SPOCK3: variants seen among roughly 807,000 people sequenced by gnomAD.
SPOCK3 encodes SPARC (osteonectin), cwcv and kazal like domains proteoglycan 3, also known as testican-3.
Under a neutral mutation model 56.6 loss-of-function variants are expected in SPOCK3, and 30 were observed. The observed-to-expected ratio is 0.53, with a 90% CI of 0.40 to 0.72. The LOEUF is 0.72. Among genes scored for constraint, SPOCK3 ranks in the 30% least tolerant of loss-of-function variants. The pLI is 0.00. For missense variants in SPOCK3, 527 were observed against 530.0 expected (o/e 0.99, Z 0.06); for synonymous variants, 196 against 183.3 (o/e 1.07, Z -0.56).
intron 2 of SPOCK3, among the ~76,000 whole-genome samples, chr4:167,115,317 G>GAA (rs34552247): frequency 8.5e-4 from 104 of 123,020 alleles, no homozygotes; most frequent in South Asian, 1.7e-3. Flanking sequence ...GCCTTGTACA[G>GAA]AAAAAAAAAA....
At chr4:167,003,552 C>A (rs1258218735) in intron 3 of SPOCK3, among the ~76,000 whole-genome samples, 1 of 152,160 alleles carries the variant, frequency 6.6e-6, no homozygotes, top group Non-Finnish European at 1.5e-5. Flanking sequence ...CTTAAAGGGA[C>A]CTGGCATAAA....
intron 2 of SPOCK3, 76 bp downstream of exon 2, chr4:167,233,909 C>G: frequency 7.6e-7 from 1 of 1,316,816 alleles, no homozygotes; most frequent in Non-Finnish European, 1.1e-6. Flanking sequence ...CACTCCCCAC[C>G]CACATCCGGC....
intron 7 of SPOCK3, among the ~76,000 whole-genome samples, chr4:166,784,807 T>A (rs2126630234): frequency 6.6e-6 from 1 of 152,192 alleles, no homozygotes; most frequent in East Asian, 1.9e-4. Flanking sequence ...AGGAGAACAT[T>A]TGGCTTGTAG....
chr4:166,826,583 G>A (rs530333093), intron 6 of SPOCK3, among the ~76,000 whole-genome samples: 1 of 152,148 alleles, frequency 6.6e-6, no homozygotes, highest in South Asian at 2.1e-4. Flanking sequence ...TGGATATTAA[G>A]GATAATTTCC....
chr4:166,921,283 T>C (rs532973640), intron 4 of SPOCK3, among the ~76,000 whole-genome samples: 14 of 152,286 alleles, frequency 9.2e-5, no homozygotes, highest in African/African-American at 3.4e-4. Flanking sequence ...ATTGTATTGG[T>C]TTCCTGTCCT....
At chr4:167,031,118 T>C (rs1177043524) in intron 3 of SPOCK3, among the ~76,000 whole-genome samples, 1 of 152,058 alleles carries the variant, frequency 6.6e-6, no homozygotes, top group Non-Finnish European at 1.5e-5. Flanking sequence ...AATTCATATA[T>C]TTTTATATTC....
intron 8 of SPOCK3, among the ~76,000 whole-genome samples, chr4:166,752,866 T>C (rs1300684694): frequency 2.0e-5 from 3 of 151,976 alleles, no homozygotes. Flanking sequence ...CTTCTAAGCA[T>C]TAGAGAAATT....
At chr4:166,858,832 T>G (rs1730946555) in intron 6 of SPOCK3, among the ~76,000 whole-genome samples, 1 of 152,158 alleles carries the variant, frequency 6.6e-6, no homozygotes, top group African/African-American at 2.4e-5. Flanking sequence ...TGGGCTCTTT[T>G]CATTGTGAGC....
At chr4:166,868,778 A>G (rs994571451) in intron 6 of SPOCK3, among the ~76,000 whole-genome samples, 4 of 152,132 alleles carry the variant, frequency 2.6e-5, no homozygotes, top group African/African-American at 7.2e-5. Flanking sequence ...GCTACATGCT[A>G]TGTGTACATT....
intron 2 of SPOCK3, among the ~76,000 whole-genome samples, chr4:167,218,702 C>T (rs1193891016): frequency 6.6e-6 from 1 of 151,990 alleles, no homozygotes; most frequent in African/African-American, 2.4e-5. Context: ...CATGTCATTC[C>T]CCATAGACCA....
intron 7 of SPOCK3, among the ~76,000 whole-genome samples, chr4:166,770,782 T>C (rs1738834558): frequency 6.6e-6 from 1 of 151,994 alleles, no homozygotes; most frequent in South Asian, 2.1e-4. Context: ...AAGAGACCCG[T>C]TTTAGATATA....
At chr4:166,899,242 A>ATATCTATCTATCTATCTATCTATC (rs75617799) in intron 5 of SPOCK3, among the ~76,000 whole-genome samples, 7 of 117,252 alleles carry the variant, frequency 6.0e-5, no homozygotes, top group Non-Finnish European at 9.2e-5. Context: ...AAATCTCCTC[A>ATATCTATCTATCTATCTATCTATC]TATCTATCTA....
chr4:166,916,427 G>A (rs776645966), intron 4 of SPOCK3, among the ~76,000 whole-genome samples: 4 of 151,980 alleles, frequency 2.6e-5, no homozygotes, highest in Admixed American at 6.6e-5. Flanking sequence ...TCTTCAATAT[G>A]TCTCTAGCAT....
At chr4:166,865,868 C>T (rs537168048) in intron 6 of SPOCK3, among the ~76,000 whole-genome samples, 19 of 152,068 alleles carry the variant, frequency 1.2e-4, no homozygotes, top group Non-Finnish European at 2.6e-4. Flanking sequence ...AAGTGATTTA[C>T]AGATTCAATG....
At chr4:166,836,703 C>T (rs1199937793) in intron 6 of SPOCK3, among the ~76,000 whole-genome samples, 3 of 151,984 alleles carry the variant, frequency 2.0e-5, no homozygotes, top group Non-Finnish European at 4.4e-5. Context: ...TGAAAAGACT[C>T]TTTCCATCAA....
chr4:166,952,192 T>C (rs1402233305), intron 4 of SPOCK3, among the ~76,000 whole-genome samples: 1 of 152,150 alleles, frequency 6.6e-6, no homozygotes, highest in Non-Finnish European at 1.5e-5. Flanking sequence ...CCCCATTGTC[T>C]CAGCCCAAAA....
At chr4:167,220,981 C>T (rs577235860) in intron 2 of SPOCK3, among the ~76,000 whole-genome samples, 201 of 152,202 alleles carry the variant, frequency 1.3e-3, no homozygotes, top group African/African-American at 4.5e-3. Flanking sequence ...ATACAAATTG[C>T]AAACCTTAAT....
At chr4:166,930,753 T>G (rs1200573349) in intron 4 of SPOCK3, among the ~76,000 whole-genome samples, 2 of 152,212 alleles carry the variant, frequency 1.3e-5, no homozygotes, top group Non-Finnish European at 2.9e-5. Context: ...ATAAAACGTA[T>G]GTCCATGAGA....
At chr4:167,078,308 CTGTGTGTGTGTGTGTGTG>C (rs3082377) in intron 2 of SPOCK3, among the ~76,000 whole-genome samples, 537 of 105,118 alleles carry the variant, frequency 5.1e-3, no homozygotes, top group South Asian at 9.1e-3. Context: ...GGTCATAACT[CTGTGTGTGTGTGTGTGTG>C]TGTGTGTGTG....
Sources: allele counts gnomAD v4.1 joint callset (sites outside exome capture counted in the v4.1 genomes callset), GRCh38; gene constraint gnomAD v4.1.1; transcripts MANE v1.5; gene names NCBI Gene and HGNC (gene_info 2026-07-23, HGNC 2026-07-21).